The following FAM149B1 variants were observed in gnomAD, a reference collection of about 807,000 sequenced individuals.
The protein encoded by FAM149B1 is family with sequence similarity 149 member B1.
In FAM149B1, 56 loss-of-function variants were observed where a neutral mutation model predicts 75.3. The observed-to-expected ratio is 0.74, with a 90% CI of 0.60 to 0.93. FAM149B1 has a LOEUF of 0.93. Among genes scored for constraint, FAM149B1 ranks in the 40% least tolerant of loss-of-function variants. FAM149B1 has a pLI of 0.00. For synonymous variants in FAM149B1, 259 were observed against 256.1 expected, an observed-to-expected ratio of 1.01 and a Z score of -0.11; for missense variants, 639 against 708.4, an observed-to-expected ratio of 0.90 and a Z score of 1.11.
chr10:73,200,624 A>C (rs1258559949), intron 5 of FAM149B1: 1 of 646,434 alleles, frequency 1.5e-6, no homozygotes, highest in Non-Finnish European at 2.6e-6. Context: ...AAAATTAAAT[A>C]CAAGTATTTA....
chr10:73,229,513 A>G (rs1402965826), intron 8 of FAM149B1, among the ~76,000 whole-genome samples: 1 of 152,174 alleles, frequency 6.6e-6, no homozygotes, highest in Non-Finnish European at 1.5e-5. Context: ...AGGCAGAGGT[A>G]GCAGTGGGCT....
At chr10:73,196,742 T>C (rs182330368) in intron 5 of FAM149B1, among the ~76,000 whole-genome samples, 13 of 152,278 alleles carry the variant, frequency 8.5e-5, no homozygotes, top group African/African-American at 3.1e-4. Context: ...AAAATTATAT[T>C]ATCAGCTGGC....
rs548153199 is a variant in FAM149B1, at chr10:73,192,879, T to G, written c.425+181T>G. On this transcript the variant is annotated intron_variant, in intron 4 of 13. Transcript: ENST00000242505. ...TTAAGTTGGTAGAAGTTTCTTAGAG[T>G]TTCCTTAACTAACAATATGTGATCC... Among the ~76,000 whole-genome samples the G allele has an allele frequency of 6.6e-5, 10 of 152,154 alleles. No individual in the cohort carries two copies. In the South Asian group the frequency reaches 1.9e-3, roughly 28 times the overall value.
intron 7 of FAM149B1, among the ~76,000 whole-genome samples, chr10:73,217,349 C>T (rs545686235): frequency 2.6e-5 from 4 of 152,190 alleles, no homozygotes; most frequent in Non-Finnish European, 4.4e-5. Context: ...ACACATTTCA[C>T]TTCTTAAGAA....
chr10:73,196,939 G>A (rs1407584040), intron 5 of FAM149B1, among the ~76,000 whole-genome samples: 1 of 152,214 alleles, frequency 6.6e-6, no homozygotes. Flanking sequence ...CTTTGTATCT[G>A]TAACACCTAG....
chr10:73,190,356 G>C lies in FAM149B1; in HGVS notation c.283-2200G>C, dbSNP rs1195377521. On this transcript the variant is annotated intron_variant, in intron 3 of 13. Transcript: ENST00000242505. Reference sequence around the variant, plus strand: ...TGTCCAGGTTGGAACACAATGGCTAGCCACAAGTGCCACCATGGTCCAGTA... The same window carrying C: ...TGTCCAGGTTGGAACACAATGGCTACCCACAAGTGCCACCATGGTCCAGTA... Among the ~76,000 whole-genome samples the C allele has an allele frequency of 3.3e-5, 5 of 151,796 alleles. No homozygotes were observed. In the East Asian group the frequency reaches 9.7e-4, roughly 29 times the overall value.
chr10:73,181,951 G>C (rs1418022091), intron 3 of FAM149B1, among the ~76,000 whole-genome samples: 1 of 152,030 alleles, frequency 6.6e-6, no homozygotes, highest in African/African-American at 2.4e-5. Context: ...GTTTAAATTT[G>C]TTATATGTTC....
chr10:73,196,170 T>TAACATATGGAATCAGCTGAACTTTAAAA (rs2042799653), intron 5 of FAM149B1, among the ~76,000 whole-genome samples: 1 of 152,176 alleles, frequency 6.6e-6, no homozygotes. Context: ...TTTCTTCCTT[T>TAACATATGGAATCAGCTGAACTTTAAAA]AACATATGGA....
At chr10:73,194,474 CCT>C (rs2042753102) in intron 5 of FAM149B1, among the ~76,000 whole-genome samples, 1 of 151,338 alleles carries the variant, frequency 6.6e-6, no homozygotes, top group Non-Finnish European at 1.5e-5. Flanking sequence ...CTCACTGCAA[CCT>C]CTGCCTCCTG....
At chr10:73,212,342 G>A (rs1234473678) in intron 7 of FAM149B1, among the ~76,000 whole-genome samples, 1 of 151,696 alleles carries the variant, frequency 6.6e-6, no homozygotes, top group African/African-American at 2.4e-5. Context: ...GTGCAGTGGT[G>A]TGATCTTGGC....
chr10:73,206,686 C>G (rs1349255831), intron 5 of FAM149B1, among the ~76,000 whole-genome samples: 1 of 152,174 alleles, frequency 6.6e-6, no homozygotes, highest in Admixed American at 6.5e-5. Flanking sequence ...TACAGCTTGA[C>G]TTGCCGCTTT....
At position 73,199,193 on chromosome 10, in the gene FAM149B1, C is replaced by CTTT. The variant is rs1353596586; in HGVS notation, c.542+5604_542+5606dup. 3.4e-3 allele frequency among the ~76,000 whole-genome samples: 400 copies of CTTT among 118,622 alleles called. 6 individuals carry two copies. The East Asian group carries it at 0.048, about 14-fold the overall frequency. 77.8% of individuals were successfully genotyped at this position (118,622 alleles called of 152,430 possible). A position where few individuals can be genotyped will look rare whatever the true frequency, so the allele number is the denominator to read the frequency against. On this transcript the variant is annotated intron_variant, in intron 5 of 13. Coordinates refer to ENST00000242505, the MANE Select transcript of FAM149B1 (RefSeq NM_173348.2). The stretch of plus-strand genomic sequence containing the variant: ...AGTATTAGGTAAGATAACTGTTATC[C>CTTT]TTTTTTGTTGTTGTTGTTGTTGTTG...
intron 7 of FAM149B1, among the ~76,000 whole-genome samples, chr10:73,221,603 T>C (rs2043416248): frequency 6.6e-6 from 1 of 152,180 alleles, no homozygotes; most frequent in African/African-American, 2.4e-5. Context: ...AATTTGACTA[T>C]GATGTGCCTT....
intron 7 of FAM149B1, among the ~76,000 whole-genome samples, chr10:73,225,352 G>C (rs1035904922): frequency 6.6e-6 from 1 of 152,148 alleles, no homozygotes; most frequent in Non-Finnish European, 1.5e-5. Flanking sequence ...GGAAGTGTAG[G>C]TGGAAAACAG....
chr10:73,206,614 G>A (rs1253882891), intron 5 of FAM149B1, among the ~76,000 whole-genome samples: 1 of 152,248 alleles, frequency 6.6e-6, no homozygotes, highest in Non-Finnish European at 1.5e-5. Flanking sequence ...GCAGACCCAG[G>A]ACCTTGTTGC....
chr10:73,231,032 T>A (rs2043683807), intron 9 of FAM149B1: 1 of 153,170 alleles, frequency 6.5e-6, no homozygotes, highest in African/African-American at 2.4e-5. Flanking sequence ...TAATTGACAA[T>A]CTTCTAGAAT....
rs571361869 is a variant in FAM149B1, at chr10:73,233,195, G to A, written c.1352+32G>A. 76 of 1,413,312 alleles carry A rather than the reference G, an allele frequency of 5.4e-5. 1 individual carries two copies. The highest frequency in any genetic ancestry group is 2.8e-4 in the South Asian group (23 of 81,148). The allele number at this position is 1,413,312 out of a possible 1,614,324, so 87.5% of individuals were successfully genotyped here. ...TTCAAAAGCAGAACTTCTGGAAACCGTGGTAAAACTAACACATTTTACATA... is the reference window on the plus strand; with the variant it reads ...TTCAAAAGCAGAACTTCTGGAAACCATGGTAAAACTAACACATTTTACATA... On this transcript the variant is annotated intron_variant, in intron 10 of 13. Transcript: ENST00000242505.
rs188173612 is a variant in FAM149B1 at position 73,230,646 on chromosome 10, G to T, written c.1127+121G>T. 7.4e-5 allele frequency: 46 copies of T among 625,422 alleles called. No individual in the cohort carries two copies. In the East Asian group the frequency reaches 1.2e-3, roughly 16 times the overall value. 38.7% of individuals were successfully genotyped at this position (625,422 alleles called of 1,614,324 possible). A position where few individuals can be genotyped will look rare whatever the true frequency, so the allele number is the denominator to read the frequency against. On this transcript the variant is annotated intron_variant, in intron 9 of 13. Coordinates refer to ENST00000242505, the MANE Select transcript of FAM149B1 (RefSeq NM_173348.2). ...AAGCAACCACAAAAACTCCTGGGGA[G>T]TAAAACATCCAAGGGACATGGTCTC...
chr10:73,243,224 A>G lies in FAM149B1; in HGVS notation c.*2205A>G. On this transcript the variant is annotated 3_prime_UTR_variant, in exon 14 of 14. Coordinates refer to ENST00000242505, the MANE Select transcript of FAM149B1 (RefSeq NM_173348.2). Reference sequence around the variant, plus strand: ...CCTCACACAATGTCAAGTGCTTTCTAGGAAATACTAAGATCAGGTTGAGAG... The same window carrying G: ...CCTCACACAATGTCAAGTGCTTTCTGGGAAATACTAAGATCAGGTTGAGAG... 1.5e-6 allele frequency: 1 copy of G among 654,880 alleles called. No individual in the cohort carries two copies. Among genetic ancestry groups the G allele is most frequent in the Non-Finnish European group, 2.6e-6 (1 of 389,260 alleles). 40.6% of individuals were successfully genotyped at this position (654,880 alleles called of 1,614,324 possible).
Sources: gnomAD v4.1 joint callset for allele counts (sites outside exome capture counted in the v4.1 genomes callset) on GRCh38, gnomAD v4.1.1 for gene constraint, MANE v1.5 for transcripts, NCBI Gene and HGNC (gene_info 2026-07-23, HGNC 2026-07-21) for gene names.